The following LUC7L2 variants were observed in gnomAD, a reference collection of about 807,000 sequenced individuals.
LUC7L2 encodes the protein LUC7 like 2, pre-mRNA splicing factor, also known as putative RNA-binding protein Luc7-like 2.
LUC7L2 carries 25 observed loss-of-function variants against 52.8 expected under a neutral mutation model. That is an observed-to-expected ratio of 0.47 (90% confidence interval 0.34 to 0.66). The LOEUF is 0.66. LUC7L2 is among the 30% of genes least tolerant of loss of function. The pLI is 0.01. For missense variants in LUC7L2, 328 were observed against 497.8 expected (o/e 0.66, Z 3.25); for synonymous variants, 144 against 160.9 (o/e 0.89, Z 0.80).
rs1407761322 is a variant in LUC7L2 at position 139,360,097 on chromosome 7, C to T, written c.-165C>T. 5 of 583,382 alleles carry T rather than the reference C, an allele frequency of 8.6e-6. No homozygotes were observed. The East Asian group carries it at 1.3e-4, about 15-fold the overall frequency. 36.1% of individuals were successfully genotyped at this position (583,382 alleles called of 1,614,324 possible). On this transcript the variant is annotated 5_prime_UTR_variant, in exon 1 of 10. Coordinates refer to ENST00000354926, the MANE Select transcript of LUC7L2 (RefSeq NM_016019.5). The stretch of plus-strand genomic sequence containing the variant: ...TACACGTCGTCGTGAGGAGCGCAGT[C>T]CGGACTCTTCCCGCAACCCCTCCGG...
At chr7:139,391,230 C>G (rs1479586389) in intron 2 of LUC7L2, among the ~76,000 whole-genome samples, 10 of 152,166 alleles carry the variant, frequency 6.6e-5, no homozygotes, top group African/African-American at 2.4e-4. Context: ...TAGACACTTG[C>G]AGCTGTTGCT....
At chr7:139,354,065 G>A (rs1275039170) in intron 1 of LUC7L2, among the ~76,000 whole-genome samples, 4 of 150,232 alleles carry the variant, frequency 2.7e-5, no homozygotes, top group Admixed American at 6.6e-5. Context: ...GCAGTGAGCC[G>A]AGATCACGCC....
chr7:139,364,615 A>G (rs1216694685), intron 1 of LUC7L2, among the ~76,000 whole-genome samples: 3 of 152,212 alleles, frequency 2.0e-5, no homozygotes, highest in Non-Finnish European at 2.9e-5. Context: ...AACTGAAAGG[A>G]TACTCATCCT....
chr7:139,365,138 G>C (rs1422823974), intron 1 of LUC7L2, among the ~76,000 whole-genome samples: 1 of 152,118 alleles, frequency 6.6e-6, no homozygotes, highest in Non-Finnish European at 1.5e-5. Context: ...CCTGCATAGT[G>C]AATCAATGAA....
intron 1 of LUC7L2, among the ~76,000 whole-genome samples, chr7:139,352,543 T>C (rs1014610838): frequency 6.6e-6 from 1 of 152,224 alleles, no homozygotes; most frequent in African/African-American, 2.4e-5. Context: ...ATATAGTTTA[T>C]ATGCTTACTG....
chr7:139,364,832 A>G (rs895784000), intron 1 of LUC7L2, among the ~76,000 whole-genome samples: 2 of 152,262 alleles, frequency 1.3e-5, no homozygotes, highest in African/African-American at 4.8e-5. Flanking sequence ...CTTTTCATCA[A>G]CATTGAAAAC....
chr7:139,398,815 G>C (rs867912982), intron 3 of LUC7L2, 118 bp downstream of exon 3: 1 of 829,480 alleles, frequency 1.2e-6, no homozygotes, highest in East Asian at 2.9e-5. Flanking sequence ...TTATATGAAG[G>C]GTAAGACTCA....
intron 1 of LUC7L2, among the ~76,000 whole-genome samples, chr7:139,352,685 A>G (rs141293135): frequency 1.9e-4 from 29 of 152,308 alleles, no homozygotes; most frequent in African/African-American, 6.7e-4. Context: ...GTTTCTGGCT[A>G]TAAAGTATTG....
intron 1 of LUC7L2, among the ~76,000 whole-genome samples, chr7:139,360,553 G>A (rs1305924305): frequency 1.3e-5 from 2 of 152,188 alleles, no homozygotes; most frequent in Admixed American, 6.5e-5. Flanking sequence ...GGCGGGGCCT[G>A]GAGGCAGAAA....
intron 4 of LUC7L2, among the ~76,000 whole-genome samples, chr7:139,405,407 C>T (rs777771341): frequency 1.6e-4 from 25 of 152,140 alleles, no homozygotes; most frequent in Non-Finnish European, 2.5e-4. Context: ...TACACCACCT[C>T]GCCAGAGGAT....
rs779013466 is a variant in LUC7L2 at position 139,407,000 on chromosome 7, G to GTTTTTTTTTTTTTTTTTTTTTTTTTT, written c.511-174_511-173insTTTTTTTTTTTTTTTTTTTTTTTTTT. On this transcript the variant is annotated intron_variant, in intron 5 of 9. Coordinates refer to ENST00000354926, the MANE Select transcript of LUC7L2 (RefSeq NM_016019.5). ...CATAACAAAATAGCCATGCTTTTGT[G>GTTTTTTTTTTTTTTTTTTTTTTTTTT]GTTTTTTTTTTTTTTTTTTTTTGAG... is the stretch of plus-strand genomic sequence containing the variant. 1.8e-5 allele frequency among the ~76,000 whole-genome samples: 2 copies of GTTTTTTTTTTTTTTTTTTTTTTTTTT among 111,612 alleles called. 1 individual carries two copies. 73.2% of individuals were successfully genotyped at this position (111,612 alleles called of 152,430 possible).
chr7:139,365,326 G>C (rs1800100341), intron 1 of LUC7L2, among the ~76,000 whole-genome samples: 1 of 152,048 alleles, frequency 6.6e-6, no homozygotes, highest in Non-Finnish European at 1.5e-5. Flanking sequence ...TTTTACTTCA[G>C]GTAAATATAA....
In LUC7L2 at chr7:139,423,102, T is replaced by C. The variant is rs1795967037; in HGVS notation, c.*762T>C. 2.5e-6 allele frequency: 1 copy of C among 398,998 alleles called. No homozygotes were observed. The highest frequency in any genetic ancestry group is 4.4e-6 in the Non-Finnish European group (1 of 226,050). 24.7% of individuals were successfully genotyped at this position (398,998 alleles called of 1,614,324 possible). A position where few individuals can be genotyped will look rare whatever the true frequency, so the allele number is the denominator to read the frequency against. On this transcript the variant is annotated 3_prime_UTR_variant, in exon 10 of 10. Transcript: ENST00000354926. Reference sequence around the variant, plus strand: ...TTTTGTGTGTGTGGAGTATAAAGGCTACACCCTTATTGTAAAAAAATAATA... The same window carrying C: ...TTTTGTGTGTGTGGAGTATAAAGGCCACACCCTTATTGTAAAAAAATAATA...
intron 3 of LUC7L2, among the ~76,000 whole-genome samples, chr7:139,400,615 A>C (rs1330920520): frequency 6.6e-6 from 1 of 152,106 alleles, no homozygotes; most frequent in African/African-American, 2.4e-5. Flanking sequence ...TTTTGGCTTC[A>C]TTTTATAGAC....
chr7:139,416,473 A>G (rs1170361205), intron 8 of LUC7L2: 4 of 152,104 alleles, frequency 2.6e-5, no homozygotes, highest in African/African-American at 4.8e-5. Context: ...ATCTGAGTCA[A>G]GTTCTCAAAA....
At chr7:139,346,241 C>CAA (rs564493279) in intron 1 of LUC7L2, 20,123 of 123,830 alleles carry the variant, frequency 0.16, 3,534 homozygotes, top group African/African-American at 0.44. Flanking sequence ...AACTCTGTCT[C>CAA]AAAAAAAAAA....
rs534248064 is a variant in LUC7L2 at position 139,349,619 on chromosome 7, C to A, written c.-26+9102C>A. Among the ~76,000 whole-genome samples, 39 of 150,352 alleles carry A rather than the reference C, an allele frequency of 2.6e-4. 2 individuals are homozygous for A. In the South Asian group the frequency reaches 7.2e-3, roughly 28 times the overall value. ...CCTCCTTTAATGTCAACTGCTCCCCCCCCCCCCACCGGATTTTCCTTTAAT... is the reference window on the plus strand; with the variant it reads ...CCTCCTTTAATGTCAACTGCTCCCCACCCCCCCACCGGATTTTCCTTTAAT... On this transcript the variant is annotated intron_variant, in intron 1 of 10. Coordinates refer to the LUC7L2 transcript ENST00000541170.
rs899387938 is a variant in LUC7L2 at position 139,407,445 on chromosome 7, T to C, written c.687+95T>C. The C allele has an allele frequency of 5.1e-6, 7 of 1,364,106 alleles. No individual in the cohort carries two copies. The South Asian group carries it at 6.8e-5, about 13-fold the overall frequency. 84.5% of individuals were successfully genotyped at this position (1,364,106 alleles called of 1,614,324 possible). ...AATATTCTTGACTATGATTCAGTAA[T>C]ATAGTATCTAATGATTAATACTAAA... On this transcript the variant is annotated intron_variant, in intron 6 of 9. Coordinates refer to ENST00000354926, the MANE Select transcript of LUC7L2 (RefSeq NM_016019.5).
rs968381229 is a variant in LUC7L2, at chr7:139,360,053, G to C, written c.-209G>C. On this transcript the variant is annotated 5_prime_UTR_variant, in exon 1 of 10. Transcript: ENST00000354926. ...AGTGAGGGCACGAGGGTCGCTGTCG[G>C]GGGCTGTCGTCTTCCACGTACACGT... is the stretch of plus-strand genomic sequence containing the variant. 1.9e-6 allele frequency: 1 copy of C among 536,576 alleles called. No individual in the cohort carries two copies. The highest frequency in any genetic ancestry group is 3.3e-6 in the Non-Finnish European group (1 of 304,064). The allele number at this position is 536,576 out of a possible 1,614,324, so 33.2% of individuals were successfully genotyped here.
Sources: allele counts gnomAD v4.1 joint callset (sites outside exome capture counted in the v4.1 genomes callset), GRCh38; gene constraint gnomAD v4.1.1; transcripts MANE v1.5; gene names NCBI Gene and HGNC (gene_info 2026-07-23, HGNC 2026-07-21).